NCKAP5: variants seen among roughly 807,000 people sequenced by gnomAD.
NCKAP5 encodes the protein NCK associated protein 5, also known as nck-associated protein 5.
Under a neutral mutation model 167.0 loss-of-function variants are expected in NCKAP5, and 92 were observed. The observed-to-expected ratio is 0.55, with a 90% CI of 0.47 to 0.66. The LOEUF (loss-of-function observed/expected upper bound fraction) is 0.66, where lower values mean the gene tolerates loss of function less well. NCKAP5 is among the 30% of genes least tolerant of loss of function. The pLI, the probability that NCKAP5 is intolerant of heterozygous loss-of-function variation, is 0.00. For missense variants in NCKAP5, 2,378 were observed against 2,315.0 expected (o/e 1.03, Z -0.56); for synonymous variants, 891 against 877.4 (o/e 1.02, Z -0.27).
chr2:133,494,689 G>T (rs957794799), intron 3 of NCKAP5, among the ~76,000 whole-genome samples: 3 of 152,048 alleles, frequency 2.0e-5, no homozygotes, highest in Non-Finnish European at 1.5e-5. Flanking sequence ...TTAAAGCAGG[G>T]ATGTTAAGAC....
At chr2:133,592,253 C>A in the NCKAP5 span, among the ~76,000 whole-genome samples, 3 of 152,196 alleles carry the variant, frequency 2.0e-5, no homozygotes, top group Non-Finnish European at 4.4e-5. Flanking sequence ...AAACCAGGCT[C>A]TTTTGCTTAC....
chr2:132,994,615 T>C (rs1006225683), intron 6 of NCKAP5, among the ~76,000 whole-genome samples: 1 of 152,204 alleles, frequency 6.6e-6, no homozygotes, highest in African/African-American at 2.4e-5. Context: ...TAACACATAT[T>C]ATAGGAATGC....
At chr2:132,710,876 A>AT (rs201738500) in intron 19 of NCKAP5, among the ~76,000 whole-genome samples, 11 of 151,754 alleles carry the variant, frequency 7.2e-5, no homozygotes, top group South Asian at 6.2e-4. Flanking sequence ...TGAAGTGACA[A>AT]TTTTTTTAAA....
At position 132,672,256 on chromosome 2, in the gene NCKAP5, TATTC is replaced by T. The variant is rs1683843097; in HGVS notation, c.*1029_*1032del. On this transcript the variant is annotated 3_prime_UTR_variant, in exon 20 of 20. Transcript: ENST00000409261. ...GAGCAAGAAGATAAAAATCAAATAATATTCAGGATCATAGAGAAGCACTAAGTAA... is the reference window on the plus strand; with the variant it reads ...GAGCAAGAAGATAAAAATCAAATAATAGGATCATAGAGAAGCACTAAGTAA... 6.6e-6 allele frequency: 1 copy of T among 152,558 alleles called. No homozygotes were observed. Among genetic ancestry groups the T allele is most frequent in the African/African-American group, 2.4e-5 (1 of 41,440 alleles). 9.5% of individuals were successfully genotyped at this position (152,558 alleles called of 1,614,324 possible).
chr2:133,590,467 T>C, the NCKAP5 span, among the ~76,000 whole-genome samples: 893 of 142,816 alleles, frequency 6.3e-3, 27 homozygotes, highest in Admixed American at 0.059. Flanking sequence ...GAGCTTGCAG[T>C]GAGCCGAGAT....
chr2:133,188,304 AG>A (rs1192285190), intron 5 of NCKAP5, among the ~76,000 whole-genome samples: 1 of 152,080 alleles, frequency 6.6e-6, no homozygotes, highest in African/African-American at 2.4e-5. Context: ...AGACCTACAA[AG>A]AGACTCAGAC....
chr2:133,384,993 C>T (rs1166467664), intron 3 of NCKAP5, among the ~76,000 whole-genome samples: 1 of 152,166 alleles, frequency 6.6e-6, no homozygotes, highest in Non-Finnish European at 1.5e-5. Flanking sequence ...CATCTGCAAA[C>T]AGGGACAATT....
intron 9 of NCKAP5, among the ~76,000 whole-genome samples, chr2:132,878,114 G>A (rs190196225): frequency 1.3e-5 from 2 of 152,290 alleles, no homozygotes; most frequent in East Asian, 1.9e-4. Context: ...AGGATGCGTC[G>A]GTGATTGGTG....
intron 3 of NCKAP5, among the ~76,000 whole-genome samples, chr2:133,422,145 A>G (rs2151095457): frequency 6.6e-6 from 1 of 152,342 alleles, no homozygotes; most frequent in Middle Eastern, 3.4e-3. Context: ...ACAAAGCCAG[A>G]GAATTCCCAA....
intron 5 of NCKAP5, among the ~76,000 whole-genome samples, chr2:133,148,251 A>C (rs1389942781): frequency 6.6e-6 from 1 of 152,086 alleles, no homozygotes; most frequent in Non-Finnish European, 1.5e-5. Context: ...GTATCATATC[A>C]ACTTTTATTG....
intron 4 of NCKAP5, among the ~76,000 whole-genome samples, chr2:133,286,207 A>G (rs1679121803): frequency 6.6e-6 from 1 of 152,048 alleles, no homozygotes; most frequent in African/African-American, 2.4e-5. Context: ...ACTGTTAACC[A>G]GGATGGTCTC....
At position 133,260,409 on chromosome 2, in the gene NCKAP5, T is replaced by C. The variant is rs111739070; in HGVS notation, c.143+42628A>G. Among the ~76,000 whole-genome samples, 484 of 152,210 alleles carry C rather than the reference T, an allele frequency of 3.2e-3. 3 individuals are homozygous for C. The highest frequency in any genetic ancestry group is 0.01 in the African/African-American group (426 of 41,524). ...CTTTACACTGGAACACAGTGAAGGG[T>C]GGGTTATACAGATCAATCAATGCCT... is the stretch of plus-strand genomic sequence containing the variant. On this transcript the variant is annotated intron_variant, in intron 4 of 19. Transcript: ENST00000409261.
At chr2:133,041,368 C>T (rs1371131775) in intron 6 of NCKAP5, among the ~76,000 whole-genome samples, 1 of 152,096 alleles carries the variant, frequency 6.6e-6, no homozygotes, top group Admixed American at 6.6e-5. Context: ...TGAATGACTA[C>T]TTCAGTTAGA....
intron 3 of NCKAP5, among the ~76,000 whole-genome samples, chr2:133,414,446 A>C (rs1038013646): frequency 9.9e-5 from 15 of 152,180 alleles, no homozygotes; most frequent in African/African-American, 3.6e-4. Context: ...TGTTCCCATT[A>C]TCACTAAGCA....
intron 6 of NCKAP5, among the ~76,000 whole-genome samples, chr2:132,996,742 T>C (rs978469508): frequency 6.6e-6 from 1 of 152,216 alleles, no homozygotes. Context: ...TCACTAGACA[T>C]TATTGTATGA....
intron 3 of NCKAP5, among the ~76,000 whole-genome samples, chr2:133,502,498 T>C (rs989720884): frequency 7.9e-5 from 12 of 152,202 alleles, no homozygotes; most frequent in South Asian, 6.2e-4. Flanking sequence ...TATAGAAATA[T>C]AGATATCTCA....
intron 8 of NCKAP5, among the ~76,000 whole-genome samples, chr2:132,941,445 A>T (rs1318602170): frequency 6.6e-6 from 1 of 150,388 alleles, no homozygotes; most frequent in Non-Finnish European, 1.5e-5. Context: ...TTTCAAGCTT[A>T]TCCAATGAGA....
At chr2:133,373,377 C>A (rs916302895) in intron 3 of NCKAP5, among the ~76,000 whole-genome samples, 1 of 152,044 alleles carries the variant, frequency 6.6e-6, no homozygotes, top group Admixed American at 6.6e-5. Context: ...TATGTACTAT[C>A]TACAGGGAAA....
At position 133,197,905 on chromosome 2, in the gene NCKAP5, G is replaced by C. The variant is rs565700286; in HGVS notation, c.207+15811C>G. On this transcript the variant is annotated intron_variant, in intron 5 of 19. Coordinates refer to ENST00000409261, the MANE Select transcript of NCKAP5 (RefSeq NM_207363.3). Reference sequence around the variant, plus strand: ...GCGGAGATTGCAGTGAGCCAAGATCGTGCCACTGCACTCCAGCCTGGTGAC... The same window carrying C: ...GCGGAGATTGCAGTGAGCCAAGATCCTGCCACTGCACTCCAGCCTGGTGAC... 2.6e-5 allele frequency among the ~76,000 whole-genome samples: 4 copies of C among 152,162 alleles called. No individual in the cohort carries two copies. The South Asian group carries it at 8.3e-4, about 32-fold the overall frequency.
Sources: allele counts gnomAD v4.1 joint callset (sites outside exome capture counted in the v4.1 genomes callset), GRCh38; gene constraint gnomAD v4.1.1; transcripts MANE v1.5; gene names NCBI Gene and HGNC (gene_info 2026-07-23, HGNC 2026-07-21).